TSPAN31: variants seen among roughly 807,000 people sequenced by gnomAD.
The protein encoded by TSPAN31 is tetraspanin 31, also known as tetraspanin-31.
Under a neutral mutation model 24.8 loss-of-function variants are expected in TSPAN31, and 16 were observed. The observed-to-expected ratio is 0.64, with a 90% CI of 0.44 to 0.98. The LOEUF is 0.98. TSPAN31 is among the 50% of genes least tolerant of loss of function. The pLI is 0.00. For missense variants in TSPAN31, 209 were observed against 251.6 expected (o/e 0.83, Z 1.15); for synonymous variants, 87 against 91.4 (o/e 0.95, Z 0.27).
Position 57,749,679 on chromosome 12 carries a change from C to G in TSPAN31, c.*2389C>G. ...CCCAGGAGTTCTAGATCAGCCTGGG[C>G]AAGCAAGACCTTGTCTCTTTTTTTA... On this transcript the variant is annotated 3_prime_UTR_variant, in exon 6 of 6. Transcript: ENST00000257910. The G allele has an allele frequency of 1.5e-6, 1 of 671,718 alleles. No homozygotes were observed. Among genetic ancestry groups the G allele is most frequent in the Admixed American group, 2.6e-5 (1 of 39,206 alleles). The allele number at this position is 671,718 out of a possible 1,614,324, so 41.6% of individuals were successfully genotyped here. A position where few individuals can be genotyped will look rare whatever the true frequency, so the allele number is the denominator to read the frequency against.
chr12:57,745,622 A>G (rs1324701902), intron 1 of TSPAN31, 123 bp from the exon 2 acceptor site: 6 of 1,244,236 alleles, frequency 4.8e-6, no homozygotes, highest in Non-Finnish European at 6.8e-6. Context: ...CACCATCCCC[A>G]GCTCCCATTC....
rs1955203350 is a variant in TSPAN31, at chr12:57,749,338, C to T, written c.*2048C>T. ...TCAGGCTGTGGGGGACAGGAGAACT[C>T]TGGTCAGGAGGGTCCTCCAGTTCCC... is the stretch of plus-strand genomic sequence containing the variant. On this transcript the variant is annotated 3_prime_UTR_variant, in exon 6 of 6. Transcript: ENST00000257910. The T allele has an allele frequency of 6.2e-7, 1 of 1,614,174 alleles. No homozygotes were observed. Among genetic ancestry groups the T allele is most frequent in the Admixed American group, 1.7e-5 (1 of 60,022 alleles).
chr12:57,748,436 A>G lies in TSPAN31; in HGVS notation c.*1146A>G, dbSNP rs1955184991. 2.1e-6 allele frequency: 2 copies of G among 936,172 alleles called. No individual in the cohort carries two copies. The highest frequency in any genetic ancestry group is 1.8e-6 in the Non-Finnish European group (1 of 566,104). 58.0% of individuals were successfully genotyped at this position (936,172 alleles called of 1,614,324 possible). On this transcript the variant is annotated 3_prime_UTR_variant, in exon 6 of 6. Coordinates refer to ENST00000257910, the MANE Select transcript of TSPAN31 (RefSeq NM_005981.5). Reference sequence around the variant, plus strand: ...AGAAAGATGGAGGAGGACCCTCCATAGCCTCAGAGATAAAGGCAAAGATTG... The same window carrying G: ...AGAAAGATGGAGGAGGACCCTCCATGGCCTCAGAGATAAAGGCAAAGATTG...
intron 2 of TSPAN31, 55 bp from the exon 3 acceptor site, chr12:57,746,121 T>C: frequency 7.9e-6 from 12 of 1,523,232 alleles, no homozygotes; most frequent in South Asian, 1.1e-5. Flanking sequence ...CAGACAGTTA[T>C]TATAGATGAA....
Position 57,747,391 on chromosome 12 carries a change from G to A in TSPAN31, c.*101G>A. On this transcript the variant is annotated 3_prime_UTR_variant, in exon 6 of 6. Transcript: ENST00000257910. ...GTAACCGTTTTGGTTTGAGAAAAAGGAAAGGCCCCTTGTCACATCCTCTAA... is the reference window on the plus strand; with the variant it reads ...GTAACCGTTTTGGTTTGAGAAAAAGAAAAGGCCCCTTGTCACATCCTCTAA... 9.6e-7 allele frequency: 1 copy of A among 1,043,968 alleles called. No individual in the cohort carries two copies. The allele number at this position is 1,043,968 out of a possible 1,614,324, so 64.7% of individuals were successfully genotyped here. A position where few individuals can be genotyped will look rare whatever the true frequency, so the allele number is the denominator to read the frequency against.
chr12:57,745,326 C>T (rs1480270711), intron 1 of TSPAN31, 109 bp downstream of exon 1: 5 of 1,245,418 alleles, frequency 4.0e-6, no homozygotes, highest in Non-Finnish European at 5.6e-6. Context: ...GGGAAGATTC[C>T]CAGGAACTTC....
chr12:57,745,282 A>G, intron 1 of TSPAN31, 65 bp downstream of exon 1: 1 of 1,546,544 alleles, frequency 6.5e-7, no homozygotes. Flanking sequence ...TCTCTAGGGT[A>G]CTTCCGGTGG....
intron 4 of TSPAN31, 69 bp from the exon 5 acceptor site, chr12:57,746,949 T>G (rs1034533545): frequency 3.5e-6 from 5 of 1,449,128 alleles, no homozygotes; most frequent in Non-Finnish European, 4.8e-6. Context: ...TCTAGGGACA[T>G]TCGGCATAGG....
chr12:57,747,153 A>C, intron 5 of TSPAN31, 22 bp downstream of exon 5: 1 of 1,611,780 alleles, frequency 6.2e-7, no homozygotes, highest in Non-Finnish European at 8.5e-7. Context: ...CAGTTCCCTC[A>C]CACACATCCT....
chr12:57,749,547 T>C lies in TSPAN31; in HGVS notation c.*2257T>C. ...ATAAGGTAGCAGTCATTTTCAAAGA[T>C]ATCTTAGTTGAATGGTTACTGCTTA... On this transcript the variant is annotated 3_prime_UTR_variant, in exon 6 of 6. Coordinates refer to ENST00000257910, the MANE Select transcript of TSPAN31 (RefSeq NM_005981.5). 2.5e-6 allele frequency: 4 copies of C among 1,583,910 alleles called. No individual in the cohort carries two copies. The highest frequency in any genetic ancestry group is 2.2e-5 in the South Asian group (2 of 90,334).
rs876658903 is a variant in TSPAN31 at position 57,749,277 on chromosome 12, C to T, written c.*1987C>T. 3.1e-6 allele frequency: 5 copies of T among 1,614,092 alleles called. No individual in the cohort carries two copies. Among genetic ancestry groups the T allele is most frequent in the East Asian group, 4.5e-5 (2 of 44,900 alleles). ...GGAAAGGCTCCACGGGGCAGGGATA[C>T]ATCTCGAGGCCAGTCATCCTCTGGA... On this transcript the variant is annotated 3_prime_UTR_variant, in exon 6 of 6. Coordinates refer to ENST00000257910, the MANE Select transcript of TSPAN31 (RefSeq NM_005981.5).
At position 57,748,272 on chromosome 12, in the gene TSPAN31, A is replaced by G. The variant is rs775148859; in HGVS notation, c.*982A>G. ...CTTTGTTTTGTTTTTCCTGTATAAA[A>G]AAGGACCCCAAATATAAAGGTAGGG... On this transcript the variant is annotated 3_prime_UTR_variant, in exon 6 of 6. Coordinates refer to ENST00000257910, the MANE Select transcript of TSPAN31 (RefSeq NM_005981.5). 1 of 439,618 alleles carries G rather than the reference A, an allele frequency of 2.3e-6. No homozygotes were observed. Among genetic ancestry groups the G allele is most frequent in the Non-Finnish European group, 4.2e-6 (1 of 239,864 alleles). 27.2% of individuals were successfully genotyped at this position (439,618 alleles called of 1,614,324 possible).
chr12:57,747,333 T>C lies in TSPAN31; in HGVS notation c.*43T>C. 6.3e-7 allele frequency: 1 copy of C among 1,578,364 alleles called. No individual in the cohort carries two copies. Among genetic ancestry groups the C allele is most frequent in the East Asian group, 2.2e-5 (1 of 44,672 alleles). ...ACTTTTCTTCTGCTCTCTCTAAGCT[T>C]TCTCTTCCTCCCTTAGGGAATATCT... On this transcript the variant is annotated 3_prime_UTR_variant, in exon 6 of 6. Coordinates refer to ENST00000257910, the MANE Select transcript of TSPAN31 (RefSeq NM_005981.5).
rs1955193506 is a variant in TSPAN31 at position 57,748,856 on chromosome 12, C to T, written c.*1566C>T. 4 of 552,672 alleles carry T rather than the reference C, an allele frequency of 7.2e-6. No homozygotes were observed. The East Asian group carries it at 1.3e-4, about 17-fold the overall frequency. The allele number at this position is 552,672 out of a possible 1,614,324, so 34.2% of individuals were successfully genotyped here. ...AAGTAGCTGAGATTACAGGCGTGTG[C>T]CACCACCCCCGGCTTATTTTTGTAC... On this transcript the variant is annotated 3_prime_UTR_variant, in exon 6 of 6. Transcript: ENST00000257910.
chr12:57,745,978 T>C (rs1403261641), intron 2 of TSPAN31, 66 bp downstream of exon 2: 8 of 1,543,954 alleles, frequency 5.2e-6, no homozygotes, highest in South Asian at 1.3e-5. Context: ...AGGAAGATGT[T>C]AGAAGGGTAG....
At position 57,749,508 on chromosome 12, in the gene TSPAN31, A is replaced by G. The variant is rs2140384002; in HGVS notation, c.*2218A>G. 6.2e-7 allele frequency: 1 copy of G among 1,614,002 alleles called. No individual in the cohort carries two copies. The highest frequency in any genetic ancestry group is 1.3e-5 in the African/African-American group (1 of 75,056). ...AGAGTTTCCACAGAAGAGAGGCCTA[A>G]GGTGAGAAGGGATATAAGGTAGCAG... On this transcript the variant is annotated 3_prime_UTR_variant, in exon 6 of 6. Transcript: ENST00000257910.
intron 2 of TSPAN31, 124 bp downstream of exon 2, chr12:57,746,036 T>C (rs1380129362): frequency 1.1e-5 from 16 of 1,459,358 alleles, no homozygotes; most frequent in Non-Finnish European, 1.5e-5. Flanking sequence ...CCCTGTCCCA[T>C]AATCTACGAA....
At position 57,747,138 on chromosome 12, in the gene TSPAN31, T is replaced by C; in HGVS notation, c.558+7T>C. ...CTTCTTTAGCTTTACAGAGGTAACA[T>C]TCTCCAGTTCCCTCACACACATCCT... is the stretch of plus-strand genomic sequence containing the variant. On this transcript the variant is annotated splice_region_variant and intron_variant, in intron 5 of 5. Transcript: ENST00000257910. 1 of 1,612,072 alleles carries C rather than the reference T, an allele frequency of 6.2e-7. No homozygotes were observed. Among genetic ancestry groups the C allele is most frequent in the Non-Finnish European group, 8.5e-7 (1 of 1,178,034 alleles).
At chr12:57,746,781 C>T in intron 4 of TSPAN31, 61 bp downstream of exon 4, 17 of 1,605,424 alleles carry the variant, frequency 1.1e-5, no homozygotes, top group Non-Finnish European at 1.4e-5. Context: ...AAGGACAATG[C>T]CCAAGTTGGC....
Sources: allele counts gnomAD v4.1 joint callset, GRCh38; gene constraint gnomAD v4.1.1; transcripts MANE v1.5; gene names NCBI Gene and HGNC (gene_info 2026-07-23, HGNC 2026-07-21).